CHRNB4: variants seen among roughly 807,000 people sequenced by gnomAD.
CHRNB4 encodes cholinergic receptor nicotinic beta 4 subunit, also known as neuronal acetylcholine receptor subunit beta-4.
A neutral mutation model predicts 40.4 loss-of-function variants in CHRNB4; 23 were observed. The ratio of observed to expected loss-of-function variants is 0.57; its 90% CI spans 0.41 to 0.81. The LOEUF is 0.81. Ranked by LOEUF, CHRNB4 falls within the 30% of genes least tolerant of loss-of-function variation. The pLI, the probability that CHRNB4 is intolerant of heterozygous loss-of-function variation, is 0.00. For missense variants in CHRNB4, 568 were observed against 670.6 expected (o/e 0.85, Z 1.69); for synonymous variants, 285 against 274.4 (o/e 1.04, Z -0.38).
At position 78,624,863 on chromosome 15, in the gene CHRNB4, C is replaced by T; in HGVS notation, c.*270G>A. On this transcript the variant is annotated 3_prime_UTR_variant, in exon 6 of 6. Coordinates refer to ENST00000261751, the MANE Select transcript of CHRNB4 (RefSeq NM_000750.5). ...GTGCTGCTACGAAGTCATCTTTATC[C>T]CCATTGCCCGGTGCAGGGAAGGAAG... 2 of 1,156,364 alleles carry T rather than the reference C, an allele frequency of 1.7e-6. No homozygotes were observed. The highest frequency in any genetic ancestry group is 5.8e-4 in the Middle Eastern group (2 of 3,436). The allele number at this position is 1,156,364 out of a possible 1,614,324, so 71.6% of individuals were successfully genotyped here. A position where few individuals can be genotyped will look rare whatever the true frequency, so the allele number is the denominator to read the frequency against.
Position 78,641,145 on chromosome 15 carries a change from C to A in CHRNB4, c.-12G>T. The A allele has an allele frequency of 6.5e-7, 1 of 1,549,782 alleles. No individual in the cohort carries two copies. Among genetic ancestry groups the A allele is most frequent in the Non-Finnish European group, 8.7e-7 (1 of 1,149,294 alleles). Reference sequence around the variant, plus strand: ...GGCGCGCGCCTCATGGCCGGCGGGGCCGGGTGGCAGCCGCCGCGAGCTCCG... The same window carrying A: ...GGCGCGCGCCTCATGGCCGGCGGGGACGGGTGGCAGCCGCCGCGAGCTCCG... On this transcript the variant is annotated 5_prime_UTR_variant, in exon 1 of 6. Coordinates refer to ENST00000261751, the MANE Select transcript of CHRNB4 (RefSeq NM_000750.5).
intron 3 of CHRNB4, 31 bp downstream of exon 3, chr15:78,631,257 T>C (rs2141373805): frequency 6.2e-7 from 1 of 1,613,838 alleles, no homozygotes; most frequent in East Asian, 2.2e-5. Context: ...AGAAAAGATC[T>C]CTGGGGCTCA....
At chr15:78,645,924 G>A (rs1320770120), upstream of CHRNB4, among the ~76,000 whole-genome samples, 7 of 152,180 alleles carry the variant, frequency 4.6e-5, no homozygotes, top group South Asian at 2.1e-4. Context: ...GCTGGGTATG[G>A]TGGCGCACAC....
Position 78,659,335 on chromosome 15 carries a change from G to A in CHRNB4, c.-850-966C>T, listed in dbSNP as rs561544142. On this transcript the variant is annotated intron_variant and NMD_transcript_variant, in intron 1 of 11. Coordinates refer to the CHRNB4 transcript ENST00000559849. ...TGTAGTCCCAGCTACTCAGGAGGCTGAGGTGGGAGGATCACTTGAGACTGG... is the reference window on the plus strand; with the variant it reads ...TGTAGTCCCAGCTACTCAGGAGGCTAAGGTGGGAGGATCACTTGAGACTGG... Among the ~76,000 whole-genome samples the A allele has an allele frequency of 4.6e-3, 703 of 152,270 alleles. 4 individuals carry two copies. The highest frequency in any genetic ancestry group is 7.6e-3 in the Non-Finnish European group (517 of 68,018).
At chr15:78,648,748 T>C (rs1464550827) in intron 7 of CHRNB4, among the ~76,000 whole-genome samples, 4 of 132,338 alleles carry the variant, frequency 3.0e-5, no homozygotes, top group Non-Finnish European at 6.1e-5. Context: ...AGTGAGACTC[T>C]GTCTCAAAAA....
chr15:78,637,855 G>A (rs1156696620), intron 1 of CHRNB4, among the ~76,000 whole-genome samples: 1 of 152,176 alleles, frequency 6.6e-6, no homozygotes, highest in African/African-American at 2.4e-5. Flanking sequence ...CCAGAGGGGG[G>A]TCCTATGGAT....
chr15:78,657,688 G>A (rs1372711012), intron 2 of CHRNB4, among the ~76,000 whole-genome samples: 2 of 151,742 alleles, frequency 1.3e-5, no homozygotes, highest in African/African-American at 4.8e-5. Flanking sequence ...CAAGTAGCTG[G>A]GACTACAGGC....
upstream of CHRNB4, among the ~76,000 whole-genome samples, chr15:78,644,440 T>A (rs1447149293): frequency 6.6e-6 from 1 of 151,820 alleles, no homozygotes; most frequent in Admixed American, 6.6e-5. Flanking sequence ...AACATAGCAT[T>A]TGTCCCCTCC....
At chr15:78,648,967 C>T (rs758890026) in intron 7 of CHRNB4, among the ~76,000 whole-genome samples, 32 of 151,880 alleles carry the variant, frequency 2.1e-4, no homozygotes, top group Non-Finnish European at 3.7e-4. Flanking sequence ...TTGTAGAGAC[C>T]GGGTCCCACT....
intron 7 of CHRNB4, among the ~76,000 whole-genome samples, chr15:78,647,877 A>G (rs1212452305): frequency 6.7e-6 from 1 of 150,122 alleles, no homozygotes; most frequent in African/African-American, 2.4e-5. Flanking sequence ...AAAAAAAAAA[A>G]AAAAAAAAGA....
At chr15:78,640,678 A>G (rs924404113) in intron 1 of CHRNB4, among the ~76,000 whole-genome samples, 1 of 152,134 alleles carries the variant, frequency 6.6e-6, no homozygotes, top group African/African-American at 2.4e-5. Context: ...CAAGAAAGTC[A>G]CCTCTTAGGC....
Position 78,631,179 on chromosome 15 carries a change from T to C in CHRNB4, c.256A>G (p.Thr86Ala). 1 of 1,614,178 alleles carries C rather than the reference T, an allele frequency of 6.2e-7. No individual in the cohort carries two copies. The highest frequency in any genetic ancestry group is 8.5e-7 in the Non-Finnish European group (1 of 1,180,006). The change falls in exon 4 of 6, where the codon ACT (threonine) becomes GCT (alanine). Residue 86 changes from threonine to alanine, a missense_variant. By Grantham distance (58) the Thr-to-Ala change is moderately conservative (BLOSUM62 0). This residue lies in a region of CHRNB4 where 161 missense variants were observed against 148.1 expected (regional missense o/e 1.09). Coordinates refer to ENST00000261751, the MANE Select transcript of CHRNB4 (RefSeq NM_000750.5). Reference protein sequence around the residue: ...TTNVWLKQEWTDYRLTWNSSR... With the variant: ...TTNVWLKQEWADYRLTWNSSR... ...CTGTTCCAGGTCAGGCGGTAATCAG[T>C]CCATTCCTGGACAGACAGGCAAGGC...
upstream of CHRNB4, among the ~76,000 whole-genome samples, chr15:78,643,015 C>G (rs140625383): frequency 2.6e-4 from 39 of 152,260 alleles, no homozygotes; most frequent in East Asian, 6.6e-3. Context: ...ATAACCTTCA[C>G]AATAAGCCTT....
upstream of CHRNB4, chr15:78,661,593 G>A (rs2054254032): frequency 3.9e-6 from 2 of 513,222 alleles, no homozygotes; most frequent in East Asian, 5.1e-5. Context: ...TTGTTGGGGC[G>A]GATGTCAACT....
chr15:78,642,466 C>T (rs1410004835), upstream of CHRNB4, among the ~76,000 whole-genome samples: 1 of 152,214 alleles, frequency 6.6e-6, no homozygotes, highest in African/African-American at 2.4e-5. Flanking sequence ...GTGGCAGGTC[C>T]TTTGGGATAA....
intron 6 of CHRNB4, among the ~76,000 whole-genome samples, chr15:78,651,154 CTGATCTATAAAGCAGCCAG>C (rs546507094): frequency 3.9e-5 from 6 of 152,114 alleles, no homozygotes; most frequent in Non-Finnish European, 8.8e-5. Context: ...ACCTATGACT[CTGATCTATAAAGCAGCCAG>C]TGATCTATAA....
At chr15:78,634,806 G>T in intron 2 of CHRNB4, 1 of 455,796 alleles carries the variant, frequency 2.2e-6, no homozygotes, top group Non-Finnish European at 4.4e-6. Context: ...CAACTCAGAG[G>T]CAGCAAAGAG....
At chr15:78,647,228 C>G (rs1303888483) in intron 7 of CHRNB4, among the ~76,000 whole-genome samples, 9 of 152,124 alleles carry the variant, frequency 5.9e-5, no homozygotes. Flanking sequence ...TTCAACCAAA[C>G]ATACCACAAA....
intron 2 of CHRNB4, among the ~76,000 whole-genome samples, chr15:78,631,903 C>T (rs2053820873): frequency 6.6e-6 from 1 of 152,160 alleles, no homozygotes; most frequent in Non-Finnish European, 1.5e-5. Flanking sequence ...ATCTGCCTCC[C>T]CACCACCCCT....
Sources: gnomAD v4.1 joint callset for allele counts (sites outside exome capture counted in the v4.1 genomes callset) on GRCh38, gnomAD v4.1.1 for gene constraint, gnomAD v4.1.1 regional missense constraint, MANE v1.5 for transcripts, NCBI Gene and HGNC (gene_info 2026-07-23, HGNC 2026-07-21) for gene names.